Variants in GPM6A observed in about 807,000 individuals in gnomAD.
GPM6A encodes the protein glycoprotein M6A, also known as neuronal membrane glycoprotein M6-a.
Under a neutral mutation model 32.1 loss-of-function variants are expected in GPM6A, and 7 were observed. The ratio of observed to expected loss-of-function variants is 0.22; its 90% confidence interval spans 0.12 to 0.41. The LOEUF (loss-of-function observed/expected upper bound fraction) is 0.41. Ranked by LOEUF, GPM6A falls within the 10% of genes least tolerant of loss-of-function variation. The pLI, the probability that GPM6A is intolerant of heterozygous loss-of-function variation, is 1.00. For synonymous variants in GPM6A, 130 were observed against 123.4 expected (o/e 1.05, Z -0.35); for missense variants, 235 against 347.2 (o/e 0.68, Z 2.57).
intron 1 of GPM6A, among the ~76,000 whole-genome samples, chr4:175,778,415 A>G (rs112426299): frequency 3.3e-5 from 5 of 151,906 alleles, no homozygotes; most frequent in African/African-American, 1.2e-4. Context: ...TCACAAGGTC[A>G]AGAGATTGAA....
intron 2 of GPM6A, among the ~76,000 whole-genome samples, chr4:175,693,740 G>A (rs1461499246): frequency 6.6e-6 from 1 of 152,126 alleles, no homozygotes; most frequent in Non-Finnish European, 1.5e-5. Context: ...AAACTATCGT[G>A]TTCTTATTTA....
chr4:175,947,589 A>C (rs1003166714), intron 1 of GPM6A: 1 of 152,170 alleles, frequency 6.6e-6, no homozygotes, highest in Admixed American at 6.6e-5. Context: ...TATTCCTGAT[A>C]ATAATGAGCA....
At chr4:175,937,184 T>G (rs996693595) in intron 1 of GPM6A, among the ~76,000 whole-genome samples, 1 of 152,004 alleles carries the variant, frequency 6.6e-6, no homozygotes, top group South Asian at 2.1e-4. Context: ...CTTAGAAATT[T>G]CACTTTTAGA....
At chr4:175,708,758 A>G (rs1159088583) in intron 1 of GPM6A, among the ~76,000 whole-genome samples, 1 of 152,208 alleles carries the variant, frequency 6.6e-6, no homozygotes, top group Non-Finnish European at 1.5e-5. Context: ...AGGTTAAAAT[A>G]TAATAGGTGA....
At chr4:175,676,912 G>C (rs575364850) in intron 2 of GPM6A, among the ~76,000 whole-genome samples, 2 of 152,202 alleles carry the variant, frequency 1.3e-5, no homozygotes, top group South Asian at 4.1e-4. Flanking sequence ...GAATCCTCCA[G>C]ATCTATTTAA....
intron 1 of GPM6A, among the ~76,000 whole-genome samples, chr4:175,853,301 C>A (rs1483322965): frequency 1.3e-5 from 2 of 151,662 alleles, no homozygotes; most frequent in Non-Finnish European, 2.9e-5. Context: ...GGCATGATAT[C>A]AAAAAAGATT....
At position 175,933,698 on chromosome 4, in the gene GPM6A, A is replaced by G. The variant is rs944159197; in HGVS notation, c.-23+68611T>C. Among the ~76,000 whole-genome samples the G allele has an allele frequency of 2.6e-5, 4 of 152,232 alleles. No homozygotes were observed. The East Asian group carries it at 5.8e-4, about 22-fold the overall frequency. ...GCTGGGACTACAGGTGCCCGCCACC[A>G]TGCCCGGCTAATTTTTTTTGTATTT... On this transcript the variant is annotated intron_variant, in intron 1 of 7. Coordinates refer to the GPM6A transcript ENST00000280187.
At chr4:175,995,339 T>G (rs911084716) in intron 1 of GPM6A, among the ~76,000 whole-genome samples, 3 of 147,704 alleles carry the variant, frequency 2.0e-5, no homozygotes, top group African/African-American at 7.5e-5. Flanking sequence ...ATAATAAGAC[T>G]TGGAAGTGGA....
chr4:175,705,111 A>G (rs1745104452), intron 1 of GPM6A, among the ~76,000 whole-genome samples: 1 of 152,234 alleles, frequency 6.6e-6, no homozygotes, highest in Non-Finnish European at 1.5e-5. Context: ...GTTCTGCATC[A>G]GAGCATCAAG....
At chr4:175,977,186 T>C (rs1476251977) in intron 1 of GPM6A, among the ~76,000 whole-genome samples, 2 of 152,236 alleles carry the variant, frequency 1.3e-5, no homozygotes, top group Non-Finnish European at 2.9e-5. Flanking sequence ...GACTTTGGAA[T>C]ATGACATGAC....
chr4:175,825,903 G>A (rs558383787), intron 1 of GPM6A, among the ~76,000 whole-genome samples: 7 of 152,214 alleles, frequency 4.6e-5, no homozygotes, highest in African/African-American at 1.7e-4. Context: ...GTCTTGGCTG[G>A]GTGCGGTGGC....
intron 1 of GPM6A, among the ~76,000 whole-genome samples, chr4:175,838,757 G>A (rs1266674300): frequency 2.0e-5 from 3 of 147,664 alleles, no homozygotes; most frequent in East Asian, 2.0e-4. Context: ...TGATTCAGGC[G>A]ATTCTCGTGC....
intron 1 of GPM6A, among the ~76,000 whole-genome samples, chr4:175,943,087 G>A (rs1739466874): frequency 6.6e-6 from 1 of 152,062 alleles, no homozygotes; most frequent in Non-Finnish European, 1.5e-5. Flanking sequence ...TCCTTAAAGA[G>A]CTTCTTCACA....
intron 1 of GPM6A, among the ~76,000 whole-genome samples, chr4:175,781,998 T>C (rs760429483): frequency 6.6e-6 from 1 of 152,138 alleles, no homozygotes; most frequent in Non-Finnish European, 1.5e-5. Flanking sequence ...TCCTAAAATA[T>C]CTTGAAACCT....
At chr4:175,765,215 A>G (rs928610704) in intron 1 of GPM6A, among the ~76,000 whole-genome samples, 6 of 151,968 alleles carry the variant, frequency 3.9e-5, no homozygotes, top group Non-Finnish European at 8.8e-5. Context: ...CCTCCCTACC[A>G]ATGTAAAGTC....
intron 3 of GPM6A, among the ~76,000 whole-genome samples, chr4:175,667,670 C>A (rs952927019): frequency 2.0e-5 from 3 of 151,876 alleles, no homozygotes; most frequent in South Asian, 2.1e-4. Flanking sequence ...GGAACTGTAC[C>A]GTCTTTACCT....
At chr4:175,919,343 C>T (rs1313334051) in intron 1 of GPM6A, among the ~76,000 whole-genome samples, 1 of 152,058 alleles carries the variant, frequency 6.6e-6, no homozygotes, top group African/African-American at 2.4e-5. Context: ...TGCTTAAATC[C>T]AGGATCTCAC....
chr4:175,687,815 T>C (rs1744072242), intron 2 of GPM6A, among the ~76,000 whole-genome samples: 1 of 152,158 alleles, frequency 6.6e-6, no homozygotes, highest in South Asian at 2.1e-4. Flanking sequence ...GGGTTCAAAT[T>C]TATTCCCATA....
intron 1 of GPM6A, among the ~76,000 whole-genome samples, chr4:175,833,180 T>C (rs1332442522): frequency 1.3e-5 from 2 of 152,052 alleles, no homozygotes; most frequent in Non-Finnish European, 1.5e-5. Context: ...AGCAAAAATA[T>C]CATCAGTAAG....
Sources: allele counts gnomAD v4.1 joint callset (sites outside exome capture counted in the v4.1 genomes callset), GRCh38; gene constraint gnomAD v4.1.1; transcripts MANE v1.5; gene names NCBI Gene and HGNC (gene_info 2026-07-23, HGNC 2026-07-21).